The following IL1RL1 variants were observed in gnomAD, a reference collection of about 807,000 sequenced individuals.
IL1RL1 encodes the protein interleukin-1 receptor-like 1.
Under a neutral mutation model 50.9 loss-of-function variants are expected in IL1RL1, and 32 were observed. The observed-to-expected ratio is 0.63, with a 90% confidence interval of 0.47 to 0.84. The LOEUF is 0.84. IL1RL1 is among the 40% of genes least tolerant of loss of function. The probability of loss-of-function intolerance (pLI) is 0.00; values close to 1 mark genes in which losing one functional copy is unlikely to be tolerated. For synonymous variants in IL1RL1, 275 were observed against 236.0 expected (o/e 1.17, Z -1.51); for missense variants, 773 against 662.9 (o/e 1.17, Z -1.82).
downstream of IL1RL1, among the ~76,000 whole-genome samples, chr2:102,352,249 A>G (rs1677956677): frequency 1.3e-5 from 2 of 149,988 alleles, no homozygotes; most frequent in Admixed American, 6.8e-5. Flanking sequence ...ATTCTTGTCA[A>G]TAATCTGAAT....
At chr2:102,317,963 G>A (rs576589156) in intron 1 of IL1RL1, among the ~76,000 whole-genome samples, 9 of 152,290 alleles carry the variant, frequency 5.9e-5, no homozygotes, top group Admixed American at 5.2e-4. Flanking sequence ...GCAGGCTCGG[G>A]AGGCCAAGCA....
chr2:102,323,294 G>GTA (rs201351874), intron 1 of IL1RL1, among the ~76,000 whole-genome samples: 10 of 145,740 alleles, frequency 6.9e-5, no homozygotes, highest in East Asian at 3.9e-4. Flanking sequence ...GTGTGTGTGT[G>GTA]TATATATATA....
chr2:102,352,122 C>G (rs1472063225), downstream of IL1RL1: 1 of 527,812 alleles, frequency 1.9e-6, no homozygotes, highest in Non-Finnish European at 3.3e-6. Flanking sequence ...CAATCCTCCA[C>G]CATCCTCCAG....
rs1460475322 is a variant in IL1RL1 at position 102,351,931 on chromosome 2, T to A, written c.*10T>A. The stretch of plus-strand genomic sequence containing the variant: ...TGCCCAGAAGCAATAGTGCCTGCTG[T>A]GATGTGCAAAGGCATCTGAGTTTGA... On this transcript the variant is annotated 3_prime_UTR_variant, in exon 11 of 11. Coordinates refer to ENST00000233954, the MANE Select transcript of IL1RL1 (RefSeq NM_016232.5). The A allele has an allele frequency of 6.3e-7, 1 of 1,596,780 alleles. No individual in the cohort carries two copies. The highest frequency in any genetic ancestry group is 2.2e-5 in the East Asian group (1 of 44,822).
rs543127003 is a variant in IL1RL1 at position 102,345,337 on chromosome 2, A to T, written c.970+1922A>T. Reference sequence around the variant, plus strand: ...CAGTTTCCTCACTTGTTCTTCACATATCCAGGCAAAGACATCCTGTTTGCT... The same window carrying T: ...CAGTTTCCTCACTTGTTCTTCACATTTCCAGGCAAAGACATCCTGTTTGCT... On this transcript the variant is annotated intron_variant, in intron 8 of 10. Transcript: ENST00000233954. 20 of 985,422 alleles carry T rather than the reference A, an allele frequency of 2.0e-5. No homozygotes were observed. In the South Asian group the frequency reaches 8.0e-4, roughly 39 times the overall value. 61.0% of individuals were successfully genotyped at this position (985,422 alleles called of 1,614,324 possible). A position where few individuals can be genotyped will look rare whatever the true frequency, so the allele number is the denominator to read the frequency against.
intron 8 of IL1RL1, chr2:102,344,308 A>G (rs549338354): frequency 1.9e-6 from 1 of 526,608 alleles, no homozygotes; most frequent in Non-Finnish European, 2.4e-6. Context: ...ACCATTCAGC[A>G]TGAGATTTGG....
intron 8 of IL1RL1, chr2:102,344,626 A>G (rs1677712952): frequency 6.0e-6 from 2 of 335,176 alleles, no homozygotes; most frequent in Admixed American, 6.5e-5. Flanking sequence ...GGGCAGGGAC[A>G]TCATCTCTTC....
intron 1 of IL1RL1, among the ~76,000 whole-genome samples, chr2:102,326,704 C>A (rs1028650282): frequency 6.6e-6 from 1 of 151,994 alleles, no homozygotes; most frequent in African/African-American, 2.4e-5. Context: ...GGTTGCAATC[C>A]TAGTCTCTGA....
intron 8 of IL1RL1, among the ~76,000 whole-genome samples, chr2:102,346,980 GA>G (rs1486337440): frequency 6.6e-6 from 1 of 152,194 alleles, no homozygotes; most frequent in Admixed American, 6.5e-5. Flanking sequence ...GGAGTACTAG[GA>G]AAAATTTCTG....
intron 3 of IL1RL1, among the ~76,000 whole-genome samples, chr2:102,339,622 T>C (rs992104358): frequency 1.3e-5 from 2 of 152,242 alleles, no homozygotes; most frequent in African/African-American, 2.4e-5. Context: ...GTCAAATTCA[T>C]GCTCTGCCAC....
chr2:102,330,596 T>C (rs928165821), intron 1 of IL1RL1, among the ~76,000 whole-genome samples: 1 of 152,250 alleles, frequency 6.6e-6, no homozygotes, highest in African/African-American at 2.4e-5. Flanking sequence ...TGATATATTT[T>C]CTTTTGTGAA....
intron 1 of IL1RL1, among the ~76,000 whole-genome samples, chr2:102,318,045 G>T (rs1238916975): frequency 6.6e-6 from 1 of 152,182 alleles, no homozygotes; most frequent in Non-Finnish European, 1.5e-5. Context: ...TCAGAGAGGT[G>T]AGAGGTGACA....
chr2:102,345,712 T>C (rs2104996834), intron 8 of IL1RL1: 2 of 985,402 alleles, frequency 2.0e-6, no homozygotes, highest in South Asian at 4.7e-5. Context: ...ATAAACAGAA[T>C]CATAACTCAT....
At chr2:102,348,136 T>C in intron 9 of IL1RL1, 45 bp downstream of exon 9, 1 of 1,504,940 alleles carries the variant, frequency 6.6e-7, no homozygotes, top group Non-Finnish European at 9.2e-7. Flanking sequence ...AAAAGTCCCA[T>C]AATAACTGTT....
chr2:102,339,417 A>C lies in IL1RL1; in HGVS notation c.272+370A>C, dbSNP rs148851219. The C allele has an allele frequency of 2.3e-3, 400 of 171,972 alleles. 2 individuals are homozygous for C. Among genetic ancestry groups the C allele is most frequent in the African/African-American group, 9.3e-3 (394 of 42,180 alleles). 10.7% of individuals were successfully genotyped at this position (171,972 alleles called of 1,614,324 possible). Reference sequence around the variant, plus strand: ...CATCTCAGGGGGCCTCTAGTAGGTGAAAAGGGGCTTCTAACCTTCAAGTTA... The same window carrying C: ...CATCTCAGGGGGCCTCTAGTAGGTGCAAAGGGGCTTCTAACCTTCAAGTTA... On this transcript the variant is annotated intron_variant, in intron 3 of 10. Coordinates refer to ENST00000233954, the MANE Select transcript of IL1RL1 (RefSeq NM_016232.5).
chr2:102,339,077 C>T (rs1282791638), intron 3 of IL1RL1, 30 bp downstream of exon 3: 1 of 1,501,160 alleles, frequency 6.7e-7, no homozygotes, highest in Non-Finnish European at 9.3e-7. Context: ...CATCTTCTTT[C>T]ACCCTGCTCC....
At chr2:102,338,477 A>T (rs1306819808) in intron 2 of IL1RL1, 152 bp downstream of exon 2, 3 of 548,286 alleles carry the variant, frequency 5.5e-6, no homozygotes, top group Non-Finnish European at 9.6e-6. Context: ...TTTCATTACA[A>T]ATCTATCAGA....
chr2:102,328,258 A>T (rs1180686111), intron 1 of IL1RL1, among the ~76,000 whole-genome samples: 2 of 152,230 alleles, frequency 1.3e-5, no homozygotes, highest in Non-Finnish European at 2.9e-5. Flanking sequence ...CAAAAACCAC[A>T]TGATTATCTC....
chr2:102,351,703 C>T lies in IL1RL1; in HGVS notation c.1453C>T (p.Leu485=), dbSNP rs1161183012. 3.1e-6 allele frequency: 5 copies of T among 1,614,080 alleles called. No individual in the cohort carries two copies. The highest frequency in any genetic ancestry group is 4.2e-6 in the Non-Finnish European group (5 of 1,180,004). ...AKVILIEMEA[L]SELDMLQAEA... The stretch of plus-strand genomic sequence containing the variant: ...GGTGATACTTATTGAGATGGAGGCT[C>T]TGAGCGAGCTGGACATGCTGCAGGC... The change falls in exon 11 of 11, where the codon CTG becomes TTG. Residue 485 remains leucine, a synonymous_variant. Coordinates refer to ENST00000233954, the MANE Select transcript of IL1RL1 (RefSeq NM_016232.5).
Sources: allele counts gnomAD v4.1 joint callset (sites outside exome capture counted in the v4.1 genomes callset), GRCh38; gene constraint gnomAD v4.1.1; transcripts MANE v1.5; gene names NCBI Gene and HGNC (gene_info 2026-07-23, HGNC 2026-07-21).